The following MYRF variants were observed in gnomAD, a reference collection of about 807,000 sequenced individuals.
The protein encoded by MYRF is myelin regulatory factor.
A neutral mutation model predicts 126.3 loss-of-function variants in MYRF; 16 were observed. That is an observed-to-expected ratio of 0.13 (90% CI 0.09 to 0.19). The LOEUF (loss-of-function observed/expected upper bound fraction) is 0.19. MYRF is among the 10% of genes least tolerant of loss of function. The pLI is 1.00. For synonymous variants in MYRF, 608 were observed against 635.3 expected (o/e 0.96, Z 0.65); for missense variants, 1,104 against 1,547.0 (o/e 0.71, Z 4.80).
In MYRF at chr11:61,771,933, G is replaced by A. The variant is rs369807519; in HGVS notation, c.1096G>A (p.Asp366Asn). Residue 366 changes from aspartate (D) to asparagine (N), a missense_variant, in exon 7 of 27, where the codon GAT becomes AAT. This residue lies in a region of MYRF where 87 missense variants were observed against 129.2 expected (regional missense o/e 0.67). Coordinates refer to ENST00000278836, the MANE Select transcript of MYRF (RefSeq NM_001127392.3). ...GCAGAACAAGTGGGCGACCCTGTAC[G>A]ATGCTAACTACAAGGAGCTGTGAGT... ...HQQNKWATLYDANYKELPMLT... is the reference protein window; with the variant it reads ...HQQNKWATLYNANYKELPMLT... The A allele has an allele frequency of 4.3e-6, 7 of 1,613,974 alleles. No homozygotes were observed. The African/African-American group carries it at 6.7e-5, about 15-fold the overall frequency.
At chr11:61,764,571 G>A (rs2065998560) in intron 1 of MYRF, among the ~76,000 whole-genome samples, 1 of 152,190 alleles carries the variant, frequency 6.6e-6, no homozygotes, top group African/African-American at 2.4e-5. Context: ...GCCTGTGGGA[G>A]GGGCCCTCCT....
intron 17 of MYRF, 94 bp downstream of exon 17, chr11:61,780,024 G>C: frequency 1.5e-6 from 2 of 1,293,114 alleles, no homozygotes; most frequent in Non-Finnish European, 2.2e-6. Context: ...TGGGGGAAGA[G>C]GAGGATGTAG....
chr11:61,761,266 G>GT (rs1189669643), intron 1 of MYRF, among the ~76,000 whole-genome samples: 4 of 151,414 alleles, frequency 2.6e-5, no homozygotes, highest in Non-Finnish European at 4.4e-5. Context: ...TGGTGGGGGG[G>GT]GGGGCACATA....
At position 61,776,744 on chromosome 11, in the gene MYRF, G is replaced by T. The variant is rs981575100; in HGVS notation, c.1500-43G>T. ...CCAGGGAAAGGGTGGCCCTGGGGGC[G>T]GGGGCAGGCCATGAGTACTTCTGAG... On this transcript the variant is annotated intron_variant, in intron 10 of 26. Transcript: ENST00000278836. This position sits in a 1 kb window ranked among gnomAD's most constrained non-coding sequence, Gnocchi z 4.3. 1 of 1,477,446 alleles carries T rather than the reference G, an allele frequency of 6.8e-7. No individual in the cohort carries two copies. The highest frequency in any genetic ancestry group is 2.4e-5 in the East Asian group (1 of 41,790). 91.5% of individuals were successfully genotyped at this position (1,477,446 alleles called of 1,614,324 possible). A position where few individuals can be genotyped will look rare whatever the true frequency, so the allele number is the denominator to read the frequency against.
At position 61,757,833 on chromosome 11, in the gene MYRF, G is replaced by A. The variant is rs951272133; in HGVS notation, c.46+5043G>A. On this transcript the variant is annotated intron_variant, in intron 1 of 26. Coordinates refer to ENST00000278836, the MANE Select transcript of MYRF (RefSeq NM_001127392.3). This position sits in a 1 kb window ranked among gnomAD's most constrained non-coding sequence, Gnocchi z 4.7. ...GGACTGTGAGGCAGGACAGGAAGGC[G>A]ATGATGTGTCAGGCTCCCTCAAGGT... Among the ~76,000 whole-genome samples the A allele has an allele frequency of 1.3e-5, 2 of 152,168 alleles. No individual in the cohort carries two copies. Among genetic ancestry groups the A allele is most frequent in the Non-Finnish European group, 1.5e-5 (1 of 68,014 alleles).
Position 61,777,522 on chromosome 11 carries a change from C to T in MYRF, c.1791+58C>T. The T allele has an allele frequency of 7.3e-6, 5 of 682,970 alleles. No individual in the cohort carries two copies. Among genetic ancestry groups the T allele is most frequent in the Non-Finnish European group, 1.0e-5 (5 of 485,846 alleles). The allele number at this position is 682,970 out of a possible 1,614,324, so 42.3% of individuals were successfully genotyped here. A position where few individuals can be genotyped will look rare whatever the true frequency, so the allele number is the denominator to read the frequency against. ...CAGACGCTGGAGCGGGCCGCGGGGGCGGGGCTCCTGGGGAGGGGGCGTGAC... is the reference window on the plus strand; with the variant it reads ...CAGACGCTGGAGCGGGCCGCGGGGGTGGGGCTCCTGGGGAGGGGGCGTGAC... On this transcript the variant is annotated intron_variant, in intron 12 of 26. Coordinates refer to ENST00000278836, the MANE Select transcript of MYRF (RefSeq NM_001127392.3). This position sits in a 1 kb window ranked among gnomAD's most constrained non-coding sequence, Gnocchi z 8.8.
chr11:61,777,588 G>A lies in MYRF; in HGVS notation c.1791+124G>A. On this transcript the variant is annotated intron_variant, in intron 12 of 26. Transcript: ENST00000278836. The surrounding 1 kb of genome is among the most constrained non-coding windows in gnomAD (Gnocchi z 8.8). The stretch of plus-strand genomic sequence containing the variant: ...AGCTGCGGGGGAAGGAAGGGAGGGA[G>A]GCTGGCCTCGAATCCCGATCTAACC... The A allele has an allele frequency of 7.3e-7, 1 of 1,367,588 alleles. No individual in the cohort carries two copies. Among genetic ancestry groups the A allele is most frequent in the African/African-American group, 1.4e-5 (1 of 69,476 alleles). The allele number at this position is 1,367,588 out of a possible 1,614,324, so 84.7% of individuals were successfully genotyped here. A position where few individuals can be genotyped will look rare whatever the true frequency, so the allele number is the denominator to read the frequency against.
In MYRF at chr11:61,779,333, G is replaced by A. The variant is rs1382225004; in HGVS notation, c.2084G>A (p.Arg695His). The A allele has an allele frequency of 6.4e-7, 1 of 1,550,952 alleles. No individual in the cohort carries two copies. ...AAGCTGACAGACAACCTGGAGACGC[G>A]CATTGATGAGCTGGAGCGCTGGAGC... The part of the protein sequence containing the change: ...LCKLTDNLET[R>H]IDELERWSHK... The change falls in exon 15 of 27, where the codon CGC (arginine) becomes CAC (histidine). Residue 695 changes from arginine to histidine, a missense_variant. Arg to His is a conservative substitution (Grantham distance 29). This residue lies in a region of MYRF where 123 missense variants were observed against 209.1 expected (regional missense o/e 0.59). Coordinates refer to ENST00000278836, the MANE Select transcript of MYRF (RefSeq NM_001127392.3).
At position 61,779,972 on chromosome 11, in the gene MYRF, G is replaced by A. The variant is rs1234840871; in HGVS notation, c.2336+42G>A. The A allele has an allele frequency of 2.6e-6, 4 of 1,561,798 alleles. No individual in the cohort carries two copies. In the African/African-American group the frequency reaches 4.1e-5, roughly 16 times the overall value. ...GCTCTCATGGTGGCTGACTAGGGGA[G>A]TGGAGCTGCCCAGTGGAGTCAGCTG... On this transcript the variant is annotated intron_variant, in intron 17 of 26. Transcript: ENST00000278836.
intron 1 of MYRF, among the ~76,000 whole-genome samples, chr11:61,763,620 T>C: frequency 6.6e-6 from 1 of 152,182 alleles, no homozygotes; most frequent in African/African-American, 2.4e-5. Context: ...TCCCAGCACT[T>C]TGGGAGGCTG....
At chr11:61,771,121 G>A (rs2066207819) in intron 5 of MYRF, among the ~76,000 whole-genome samples, 1 of 152,180 alleles carries the variant, frequency 6.6e-6, no homozygotes. Flanking sequence ...TGATCACAGG[G>A]CCTGCTCTCC....
At chr11:61,767,403 G>T (rs7944981) in intron 3 of MYRF, 1 of 456,590 alleles carries the variant, frequency 2.2e-6, no homozygotes, top group Non-Finnish European at 4.4e-6. Flanking sequence ...CACTGCTACC[G>T]TCAGGATTTT....
rs2066225618 is a variant in MYRF, at chr11:61,771,681, G to C, written c.922G>C (p.Gly308Arg). 6.2e-7 allele frequency: 1 copy of C among 1,613,736 alleles called. No individual in the cohort carries two copies. The highest frequency in any genetic ancestry group is 8.5e-7 in the Non-Finnish European group (1 of 1,179,996). Residue 308 changes from glycine (G) to arginine (R), a missense_variant, in exon 6 of 27, where the codon GGT becomes CGT. By Grantham distance (125) the Gly-to-Arg change is moderately radical. This residue lies in a region of MYRF where 87 missense variants were observed against 129.2 expected (regional missense o/e 0.67). Coordinates refer to ENST00000278836, the MANE Select transcript of MYRF (RefSeq NM_001127392.3). ...PPQGPLSPGP[G>R]SLPLSIARVQ... ...CCAGGGTCCGCTCTCCCCGGGCCCT[G>C]GTTCCTTGCCTCTCAGCATTGCCCG...
chr11:61,769,111 G>A lies in MYRF; in HGVS notation c.399-149G>A, dbSNP rs579383. ...CCAGGCACCCCAATGTGGGTGGTGC[G>A]GAGAAATGCCCCTAAGGGTGGATGT... On this transcript the variant is annotated intron_variant, in intron 3 of 26. Coordinates refer to ENST00000278836, the MANE Select transcript of MYRF (RefSeq NM_001127392.3). The A allele has an allele frequency of 0.61, 355,223 of 585,250 alleles. 112,762 individuals carry two copies. The highest frequency in any genetic ancestry group is 0.99 in the East Asian group (33,874 of 34,260). 36.3% of individuals were successfully genotyped at this position (585,250 alleles called of 1,614,324 possible).
At chr11:61,772,979 G>A (rs1042559983) in intron 7 of MYRF, among the ~76,000 whole-genome samples, 13 of 151,650 alleles carry the variant, frequency 8.6e-5, no homozygotes, top group African/African-American at 2.4e-4. Flanking sequence ...GTGAGGGTGC[G>A]CTAAGCCACA....
At position 61,776,915 on chromosome 11, in the gene MYRF, C is replaced by T. The variant is rs889635692; in HGVS notation, c.1590+38C>T. 9.9e-6 allele frequency: 15 copies of T among 1,512,986 alleles called. No homozygotes were observed. Among genetic ancestry groups the T allele is most frequent in the Non-Finnish European group, 1.3e-5 (14 of 1,119,390 alleles). The allele number at this position is 1,512,986 out of a possible 1,614,324, so 93.7% of individuals were successfully genotyped here. ...TCCTCCCAGGGCGTAGACAGCCCTCCCCAGGACTGGGAGAAACAGCAAGCA... is the reference window on the plus strand; with the variant it reads ...TCCTCCCAGGGCGTAGACAGCCCTCTCCAGGACTGGGAGAAACAGCAAGCA... On this transcript the variant is annotated intron_variant, in intron 11 of 26. Coordinates refer to ENST00000278836, the MANE Select transcript of MYRF (RefSeq NM_001127392.3). The surrounding 1 kb of genome is among the most constrained non-coding windows in gnomAD (Gnocchi z 4.3).
At position 61,781,744 on chromosome 11, in the gene MYRF, G is replaced by A. The variant is rs540473063; in HGVS notation, c.2936G>A (p.Gly979Asp). Residue 979 changes from glycine to aspartate, a missense_variant, in exon 22 of 27, where the codon GGT becomes GAT. Physicochemically the swap from Gly to Asp is moderately conservative, Grantham distance 94 (BLOSUM62 -1). Around this residue, in one of 10 missense-constraint regions of MYRF, gnomAD observed 323 missense variants for 383.1 expected, o/e 0.84. Coordinates refer to ENST00000278836, the MANE Select transcript of MYRF (RefSeq NM_001127392.3). Reference sequence around the variant, plus strand: ...AAAGCCAAGAACAGTCCCAGCCTTGGTTTCCATGGCCGGGCCCGCCGAGGG... The same window carrying A: ...AAAGCCAAGAACAGTCCCAGCCTTGATTTCCATGGCCGGGCCCGCCGAGGG... ...QGKAKNSPSL[G>D]FHGRARRGAL... The A allele has an allele frequency of 4.4e-5, 71 of 1,612,284 alleles. 1 individual carries two copies. In the South Asian group the frequency reaches 7.7e-4, roughly 17 times the overall value.
rs1244509992 is a variant in MYRF at position 61,780,724 on chromosome 11, G to C, written c.2418G>C (p.Val806=). ...TGCTGCCCCTTAGCTCTTTTGCCGT[G>C]TCCACTTCCTGTCTCCTGGCCCTGC... The part of the protein sequence containing the change: ...DLVDTDGSFA[V]STSCLLALLR... The change falls in exon 19 of 27, where the codon GTG becomes GTC. Residue 806 remains valine (V), a synonymous_variant. Coordinates refer to ENST00000278836, the MANE Select transcript of MYRF (RefSeq NM_001127392.3). 4.5e-6 allele frequency: 7 copies of C among 1,549,628 alleles called. No homozygotes were observed. In the South Asian group the frequency reaches 8.3e-5, roughly 18 times the overall value.
chr11:61,767,134 G>C (rs1250645910), intron 3 of MYRF: 1 of 456,240 alleles, frequency 2.2e-6, no homozygotes, highest in African/African-American at 2.0e-5. Flanking sequence ...TGCTTCCTGA[G>C]CTCCCTGGCT....
Sources: gnomAD v4.1 joint callset for allele counts (sites outside exome capture counted in the v4.1 genomes callset) on GRCh38, gnomAD v4.1.1 for gene constraint, gnomAD v4.1.1 regional missense constraint, Gnocchi (gnomAD v3.1) non-coding constraint, MANE v1.5 for transcripts, NCBI Gene and HGNC (gene_info 2026-07-23, HGNC 2026-07-21) for gene names.